Variants in FCRL1 observed in about 807,000 individuals in gnomAD.
The protein encoded by FCRL1 is Fc receptor like 1.
In FCRL1, 34 loss-of-function variants were observed where a neutral mutation model predicts 49.2. The ratio of observed to expected loss-of-function variants is 0.69; its 90% CI spans 0.53 to 0.92. FCRL1 has a LOEUF of 0.92. Among genes scored for constraint, FCRL1 ranks in the 40% least tolerant of loss-of-function variants. The pLI, the probability that FCRL1 is intolerant of heterozygous loss-of-function variation, is 0.00. For synonymous variants in FCRL1, 218 were observed against 201.6 expected, an observed-to-expected ratio of 1.08 and a Z score of -0.69; for missense variants, 524 against 524.1, an observed-to-expected ratio of 1.00 and a Z score of 0.00.
rs941193528 is a variant in FCRL1, at chr1:157,801,528, C to T, written c.936G>A (p.Gly312=). 6.2e-7 allele frequency: 1 copy of T among 1,614,080 alleles called. No individual in the cohort carries two copies. The highest frequency in any genetic ancestry group is 1.1e-5 in the South Asian group (1 of 91,078). The part of the protein sequence containing the change: ...SNHLTSGVIE[G]LLSTLGPATV... ...TGGCTGGACCAAGGGTGCTGAGCAG[C>T]CCCTCAATGACTCCTGAGGTAAGAT... Residue 312 remains glycine (G), a synonymous_variant, in exon 6 of 11, where the codon GGG becomes GGA. Coordinates refer to ENST00000368176, the MANE Select transcript of FCRL1 (RefSeq NM_052938.5).
intron 7 of FCRL1, among the ~76,000 whole-genome samples, chr1:157,798,601 G>T (rs1651927668): frequency 1.3e-5 from 2 of 152,016 alleles, no homozygotes; most frequent in Admixed American, 1.3e-4. Flanking sequence ...TGAGGAAGGG[G>T]CAGAAGAAAA....
At chr1:157,797,381 T>C (rs1651683217) in intron 9 of FCRL1, among the ~76,000 whole-genome samples, 2 of 152,192 alleles carry the variant, frequency 1.3e-5, no homozygotes, top group African/African-American at 4.8e-5. Context: ...CTCTCAGCTA[T>C]TCTGGGCTCA....
intron 8 of FCRL1, 92 bp from the exon 9 acceptor site, chr1:157,798,031 C>G: frequency 2.6e-6 from 4 of 1,516,718 alleles, no homozygotes; most frequent in Non-Finnish European, 3.7e-6. Context: ...GCCATGAAGA[C>G]AGATGAGTCA....
At chr1:157,798,328 C>A (rs1571337142) in intron 7 of FCRL1, 85 bp from the exon 8 acceptor site, 1 of 1,165,326 alleles carries the variant, frequency 8.6e-7, no homozygotes, top group African/African-American at 1.5e-5. Context: ...AAGCCTGTGA[C>A]AAATTGTCCT....
At chr1:157,812,014 C>T (rs1654392252) in intron 1 of FCRL1, among the ~76,000 whole-genome samples, 1 of 152,180 alleles carries the variant, frequency 6.6e-6, no homozygotes, top group African/African-American at 2.4e-5. Context: ...CAGCCATGTG[C>T]CTGCCTCCTT....
chr1:157,795,081 A>G lies in FCRL1; in HGVS notation c.*1018T>C, dbSNP rs979831824. 1 of 152,220 alleles carries G rather than the reference A, an allele frequency of 6.6e-6. No homozygotes were observed. The highest frequency in any genetic ancestry group is 1.5e-5 in the Non-Finnish European group (1 of 68,024). The allele number at this position is 152,220 out of a possible 1,614,324, so 9.4% of individuals were successfully genotyped here. A position where few individuals can be genotyped will look rare whatever the true frequency, so the allele number is the denominator to read the frequency against. ...TTAACTTTTTACTTTATATACCTCC[A>G]AATGTTTATTAATTCATAAGAGTGA... On this transcript the variant is annotated 3_prime_UTR_variant, in exon 11 of 11. Transcript: ENST00000368176.
intron 1 of FCRL1, among the ~76,000 whole-genome samples, chr1:157,807,928 G>A (rs1207539520): frequency 1.3e-5 from 2 of 152,180 alleles, no homozygotes; most frequent in Non-Finnish European, 2.9e-5. Context: ...TTTTTGTGAA[G>A]ATTAAGGAGC....
At chr1:157,810,868 G>T (rs1048871169) in intron 1 of FCRL1, among the ~76,000 whole-genome samples, 1 of 152,048 alleles carries the variant, frequency 6.6e-6, no homozygotes, top group Non-Finnish European at 1.5e-5. Context: ...TTAACCTCCT[G>T]GGCTCAAGTG....
Position 157,800,082 on chromosome 1 carries a change from C to T in FCRL1, c.1007G>A (p.Arg336Lys), listed in dbSNP as rs766118624. The change falls in exon 7 of 11, where the codon AGA (arginine) becomes AAA (lysine). Residue 336 changes from arginine to lysine, a missense_variant. Arg to Lys is a conservative substitution (Grantham distance 26, BLOSUM62 2). Coordinates refer to ENST00000368176, the MANE Select transcript of FCRL1 (RefSeq NM_052938.5). Reference protein sequence around the residue: ...FCYGLKRKIGRRSARDPLRSL... With the variant: ...FCYGLKRKIGKRSARDPLRSL... ...CCTGAGTGGATCCCTGGCTGAACGT[C>T]TTCCTGAAAGAAAAACAAATGAGCA... 1 of 1,613,532 alleles carries T rather than the reference C, an allele frequency of 6.2e-7. No individual in the cohort carries two copies. Among genetic ancestry groups the T allele is most frequent in the Admixed American group, 1.7e-5 (1 of 60,002 alleles).
chr1:157,797,574 C>G, intron 9 of FCRL1: 1 of 629,928 alleles, frequency 1.6e-6, no homozygotes, highest in South Asian at 1.9e-5. Flanking sequence ...TGTTTTACCT[C>G]CATCGTGTTG....
At chr1:157,807,306 TC>T (rs1055129355) in intron 1 of FCRL1, among the ~76,000 whole-genome samples, 184 bp from the exon 2 acceptor site, 1 of 152,028 alleles carries the variant, frequency 6.6e-6, no homozygotes, top group African/African-American at 2.4e-5. Flanking sequence ...CTTCTCTTCC[TC>T]CCTCCTTATC....
intron 7 of FCRL1, among the ~76,000 whole-genome samples, chr1:157,798,992 T>A (rs1026984685): frequency 6.6e-6 from 1 of 152,110 alleles, no homozygotes; most frequent in African/African-American, 2.4e-5. Context: ...GAAAGCTATG[T>A]GATTATTTAC....
chr1:157,808,673 C>T (rs942068223), intron 1 of FCRL1, among the ~76,000 whole-genome samples: 3 of 152,114 alleles, frequency 2.0e-5, no homozygotes, highest in Middle Eastern at 3.2e-3. Flanking sequence ...TACAATATCA[C>T]TCAGACACTG....
At chr1:157,810,882 C>G (rs755577031) in intron 1 of FCRL1, among the ~76,000 whole-genome samples, 11 of 152,242 alleles carry the variant, frequency 7.2e-5, no homozygotes, top group Non-Finnish European at 1.3e-4. Flanking sequence ...TCAAGTGATC[C>G]TCTTACCTCA....
At chr1:157,811,029 C>A (rs1354528045) in intron 1 of FCRL1, among the ~76,000 whole-genome samples, 3 of 152,180 alleles carry the variant, frequency 2.0e-5, no homozygotes, top group African/African-American at 7.2e-5. Flanking sequence ...GATCCTCCCG[C>A]CTCAACCTCC....
At chr1:157,797,708 A>AG in intron 9 of FCRL1, 160 bp downstream of exon 9, 4 of 1,532,646 alleles carry the variant, frequency 2.6e-6, no homozygotes, top group Non-Finnish European at 3.5e-6. Context: ...GCTCTACTCA[A>AG]GGTAGCTCCA....
intron 1 of FCRL1, among the ~76,000 whole-genome samples, chr1:157,809,138 G>A (rs1223846761): frequency 1.3e-5 from 2 of 152,200 alleles, no homozygotes; most frequent in African/African-American, 2.4e-5. Context: ...GGTGAAAGCT[G>A]GAGAAATAAG....
intron 10 of FCRL1, among the ~76,000 whole-genome samples, chr1:157,796,655 C>A (rs933099833): frequency 2.0e-5 from 3 of 152,150 alleles, no homozygotes; most frequent in African/African-American, 7.2e-5. Context: ...AGTGGTGATA[C>A]CTTGAATTAT....
At chr1:157,813,428 G>A (rs1654607404) in intron 1 of FCRL1, among the ~76,000 whole-genome samples, 1 of 152,130 alleles carries the variant, frequency 6.6e-6, no homozygotes. Context: ...AGAATTCATA[G>A]AGCTAAAGAA....
Sources: gnomAD v4.1 joint callset for allele counts (sites outside exome capture counted in the v4.1 genomes callset) on GRCh38, gnomAD v4.1.1 for gene constraint, MANE v1.5 for transcripts, NCBI Gene and HGNC (gene_info 2026-07-23, HGNC 2026-07-21) for gene names.